BLCAP: variants seen among roughly 807,000 people sequenced by gnomAD.
BLCAP encodes the protein BLCAP apoptosis inducing factor, also known as apoptosis inducing factor BLCAP.
Under a neutral mutation model 5.7 loss-of-function variants are expected in BLCAP, and 1 was observed. That is an observed-to-expected ratio of 0.18 (90% confidence interval 0.06 to 0.83). The LOEUF (loss-of-function observed/expected upper bound fraction) is 0.83, where lower values mean the gene tolerates loss of function less well. BLCAP is among the 40% of genes least tolerant of loss of function. The probability of loss-of-function intolerance (pLI) is 0.71; values close to 1 mark genes in which losing one functional copy is unlikely to be tolerated. For synonymous variants in BLCAP, 48 were observed against 49.4 expected, an observed-to-expected ratio of 0.97 and a Z score of 0.11; for missense variants, 66 against 107.6, an observed-to-expected ratio of 0.61 and a Z score of 1.71.
At chr20:37,527,353 C>T (rs1024578763) in intron 1 of BLCAP, among the ~76,000 whole-genome samples, 1 of 149,868 alleles carries the variant, frequency 6.7e-6, no homozygotes, top group Non-Finnish European at 1.5e-5. Flanking sequence ...CCCCACGTCC[C>T]CCCACCTCCC....
rs1470854314 is a variant in BLCAP, at chr20:37,518,939, G to A, written c.236C>T (p.Ala79Val). The change falls in exon 2 of 2, where the codon GCG becomes GTG. Residue 79 changes from alanine (A) to valine (V), a missense_variant. By Grantham distance (64) the Ala-to-Val change is moderately conservative. Coordinates refer to ENST00000373537, the MANE Select transcript of BLCAP (RefSeq NM_006698.4). ...HCSDSPLPES[A>V]HDPGVVGT ...GGTGCCCACAACGCCGGGATCATGC[G>A]CCGATTCTGGAAGCGGGGAATCGGA... 4 of 1,614,082 alleles carry A rather than the reference G, an allele frequency of 2.5e-6. No homozygotes were observed. The highest frequency in any genetic ancestry group is 2.2e-5 in the East Asian group (1 of 44,894).
At chr20:37,525,904 T>C (rs754765078) in intron 1 of BLCAP, among the ~76,000 whole-genome samples, 2 of 152,110 alleles carry the variant, frequency 1.3e-5, no homozygotes, top group African/African-American at 2.4e-5. Context: ...TGGGAAGGAA[T>C]TGGGAATAGC....
chr20:37,519,147 C>T lies in BLCAP; in HGVS notation c.28G>A (p.Val10Ile), dbSNP rs761861098. 1.9e-6 allele frequency: 3 copies of T among 1,595,316 alleles called. No individual in the cohort carries two copies. Among genetic ancestry groups the T allele is most frequent in the South Asian group, 1.1e-5 (1 of 88,956 alleles). The change falls in exon 2 of 2, where the codon GTC (valine) becomes ATC (isoleucine). Residue 10 changes from valine to isoleucine, a missense_variant. Coordinates refer to ENST00000373537, the MANE Select transcript of BLCAP (RefSeq NM_006698.4). MYCLQWLLP[V>I]LLIPKPLNPA... ...TTGAGGGGCTTGGGGATGAGGAGGA[C>T]GGGCAGCAGCCACTGGAGGCAATAC... is the stretch of plus-strand genomic sequence containing the variant.
intron 1 of BLCAP, chr20:37,522,736 C>T (rs1195987333): frequency 1.2e-6 from 2 of 1,607,846 alleles, no homozygotes; most frequent in Non-Finnish European, 8.5e-7. Flanking sequence ...GTTGGGGGAG[C>T]GCAGGCAGCG....
Position 37,521,050 on chromosome 20 carries a change from C to T in BLCAP, c.-176-1700G>A, listed in dbSNP as rs996601660. On this transcript the variant is annotated intron_variant, in intron 1 of 1. Transcript: ENST00000373537. This position sits in a 1 kb window ranked among gnomAD's most constrained non-coding sequence, Gnocchi z 4.5. ...TTAAAGCAAAATCCAAAAGCAAGCA[C>T]GGCGGAATCTTCTGGAAGGGGGCTA... is the stretch of plus-strand genomic sequence containing the variant. Among the ~76,000 whole-genome samples the T allele has an allele frequency of 4.6e-5, 7 of 152,160 alleles. No homozygotes were observed. In the East Asian group the frequency reaches 5.8e-4, roughly 13 times the overall value.
At chr20:37,526,157 C>G (rs1022940613) in intron 1 of BLCAP, among the ~76,000 whole-genome samples, 6 of 152,154 alleles carry the variant, frequency 3.9e-5, no homozygotes, top group Non-Finnish European at 8.8e-5. Context: ...CAACGGATTA[C>G]TGTTGGATCG....
intron 1 of BLCAP, chr20:37,526,801 C>G (rs1488216027): frequency 6.6e-6 from 1 of 152,196 alleles, no homozygotes; most frequent in Non-Finnish European, 1.5e-5. Context: ...ATTAATTAGT[C>G]TCTGATTTAA....
At position 37,521,591 on chromosome 20, in the gene BLCAP, A is replaced by C; in HGVS notation, c.-176-2241T>G. On this transcript the variant is annotated intron_variant, in intron 1 of 1. Coordinates refer to ENST00000373537, the MANE Select transcript of BLCAP (RefSeq NM_006698.4). The surrounding 1 kb of genome is among the most constrained non-coding windows in gnomAD (Gnocchi z 4.5). ...TCCCTGCGCCGTCCTCCTCGCGCTG[A>C]CCCTCCCTAGTGCGCCCGCGCCTGC... 3.3e-6 allele frequency: 2 copies of C among 608,278 alleles called. No homozygotes were observed. The highest frequency in any genetic ancestry group is 2.0e-5 in the South Asian group (1 of 51,014). The allele number at this position is 608,278 out of a possible 1,614,324, so 37.7% of individuals were successfully genotyped here.
At chr20:37,526,473 C>T (rs2147196962) in intron 1 of BLCAP, among the ~76,000 whole-genome samples, 1 of 152,238 alleles carries the variant, frequency 6.6e-6, no homozygotes, top group Non-Finnish European at 1.5e-5. Flanking sequence ...TCCCACAGGG[C>T]CCATGCATGC....
At chr20:37,522,180 C>A (rs376138308) in intron 1 of BLCAP, among the ~76,000 whole-genome samples, 251 of 104,498 alleles carry the variant, frequency 2.4e-3, no homozygotes, top group Middle Eastern at 7.2e-3. Context: ...AATTGCTTTA[C>A]AAAAAAAAAA....
chr20:37,522,878 C>G, intron 1 of BLCAP: 5 of 891,928 alleles, frequency 5.6e-6, no homozygotes, highest in Non-Finnish European at 8.3e-6. Context: ...GCCAGAGGAG[C>G]ACTTGGCAAG....
chr20:37,526,447 C>T (rs902572999), intron 1 of BLCAP, among the ~76,000 whole-genome samples: 4 of 152,152 alleles, frequency 2.6e-5, no homozygotes, highest in Non-Finnish European at 5.9e-5. Context: ...TTTATCCTCC[C>T]CTCCCCGACT....
rs562636458 is a variant in BLCAP at position 37,521,449 on chromosome 20, C to T, written c.-176-2099G>A. Reference sequence around the variant, plus strand: ...GGTGGGAGAGGGTTCCCAACTCGCGCCCCTAGAACCCGCAAGACTGCGTCG... The same window carrying T: ...GGTGGGAGAGGGTTCCCAACTCGCGTCCCTAGAACCCGCAAGACTGCGTCG... On this transcript the variant is annotated intron_variant, in intron 1 of 1. Coordinates refer to ENST00000373537, the MANE Select transcript of BLCAP (RefSeq NM_006698.4). The surrounding 1 kb of genome is among the most constrained non-coding windows in gnomAD (Gnocchi z 4.5). 3.8e-5 allele frequency: 60 copies of T among 1,574,744 alleles called. 1 individual carries two copies. In the East Asian group the frequency reaches 1.3e-3, roughly 34 times the overall value.
chr20:37,522,481 C>T (rs1162802841), intron 1 of BLCAP: 10 of 1,569,754 alleles, frequency 6.4e-6, no homozygotes, highest in Non-Finnish European at 8.8e-6. Context: ...CGCCATGCAG[C>T]TCTCAGCACA....
chr20:37,522,598 G>GGGGGGGGGGGGGGGGGGGGGGGGCCCC, intron 1 of BLCAP: 1 of 864,396 alleles, frequency 1.2e-6, no homozygotes, highest in Non-Finnish European at 1.7e-6. Flanking sequence ...GCGGGGGTGG[G>GGGGGGGGGGGGGGGGGGGGGGGGCCCC]CACGGCAGCA....
Position 37,518,813 on chromosome 20 carries a change from C to A in BLCAP, c.*98G>T, listed in dbSNP as rs184352665. 14 of 1,507,042 alleles carry A rather than the reference C, an allele frequency of 9.3e-6. No homozygotes were observed. The highest frequency in any genetic ancestry group is 1.2e-5 in the Non-Finnish European group (13 of 1,123,948). The allele number at this position is 1,507,042 out of a possible 1,614,324, so 93.4% of individuals were successfully genotyped here. ...AAGGCGCCGTCAGGAATGTGACACC[C>A]GCGAGGCTGCGGGATTTGAAACTCC... is the stretch of plus-strand genomic sequence containing the variant. On this transcript the variant is annotated 3_prime_UTR_variant, in exon 2 of 2. Transcript: ENST00000373537.
intron 1 of BLCAP, chr20:37,522,557 C>T (rs1049408855): frequency 5.0e-6 from 5 of 993,184 alleles, no homozygotes; most frequent in Admixed American, 5.8e-5. Context: ...CTCCAGCCTA[C>T]GCTGGATGGG....
intron 1 of BLCAP, chr20:37,523,644 T>A (rs1268227593): frequency 6.5e-6 from 1 of 152,688 alleles, no homozygotes; most frequent in African/African-American, 2.4e-5. Context: ...CTCCCCTGTC[T>A]CGCACAGTGT....
At position 37,518,862 on chromosome 20, in the gene BLCAP, G is replaced by T; in HGVS notation, c.*49C>A. 1 of 1,596,828 alleles carries T rather than the reference G, an allele frequency of 6.3e-7. No individual in the cohort carries two copies. On this transcript the variant is annotated 3_prime_UTR_variant, in exon 2 of 2. Coordinates refer to ENST00000373537, the MANE Select transcript of BLCAP (RefSeq NM_006698.4). ...CCAATGCTTTATGACCTATGTCAAT[G>T]CCTCCCCTCCCGTCTTCTGCTTCCT...
Sources: allele counts gnomAD v4.1 joint callset (sites outside exome capture counted in the v4.1 genomes callset), GRCh38; gene constraint gnomAD v4.1.1; non-coding constraint Gnocchi (gnomAD v3.1); transcripts MANE v1.5; gene names NCBI Gene and HGNC (gene_info 2026-07-23, HGNC 2026-07-21).